Variants in SPPL2A observed in about 807,000 individuals in gnomAD.
The protein encoded by SPPL2A is signal peptide peptidase-like 2A.
In SPPL2A, 51 loss-of-function variants were observed where a neutral mutation model predicts 63.8. That is an observed-to-expected ratio of 0.80 (90% confidence interval 0.64 to 1.01). The LOEUF (loss-of-function observed/expected upper bound fraction) is 1.01. Among genes scored for constraint, SPPL2A ranks in the 50% least tolerant of loss-of-function variants. SPPL2A has a pLI of 0.00. For missense variants in SPPL2A, 553 were observed against 622.7 expected (o/e 0.89, Z 1.19); for synonymous variants, 188 against 205.8 (o/e 0.91, Z 0.74).
At chr15:50,722,992 G>T (rs182458492) in intron 12 of SPPL2A, among the ~76,000 whole-genome samples, 1 of 152,206 alleles carries the variant, frequency 6.6e-6, no homozygotes, top group Admixed American at 6.5e-5. Flanking sequence ...ATTAGAAAAT[G>T]GGCAAAGGAT....
At chr15:50,712,679 C>CCCCCCTTTTTT (rs35199045) in intron 14 of SPPL2A, among the ~76,000 whole-genome samples, 1 of 102,938 alleles carries the variant, frequency 9.7e-6, no homozygotes. Context: ...CTCCCCCCCC[C>CCCCCCTTTTTT]TTTTTTTTTT....
At chr15:50,752,484 G>A (rs183505733) in intron 1 of SPPL2A, among the ~76,000 whole-genome samples, 15 of 152,194 alleles carry the variant, frequency 9.9e-5, no homozygotes, top group East Asian at 5.8e-4. Flanking sequence ...TCGGGAGGCC[G>A]AGGCGGGTAG....
intron 1 of SPPL2A, among the ~76,000 whole-genome samples, chr15:50,760,225 C>A (rs934784756): frequency 6.6e-6 from 1 of 151,836 alleles, no homozygotes; most frequent in Non-Finnish European, 1.5e-5. Context: ...TGTGTCCTCA[C>A]ATGGCAAAGA....
intron 12 of SPPL2A, among the ~76,000 whole-genome samples, chr15:50,723,379 C>T (rs1451232419): frequency 6.6e-6 from 1 of 152,102 alleles, no homozygotes; most frequent in African/African-American, 2.4e-5. Flanking sequence ...CAGCATTATT[C>T]GCAATAGCCA....
chr15:50,748,980 T>C (rs2062883067), intron 2 of SPPL2A, 110 bp from the exon 3 acceptor site: 3 of 591,158 alleles, frequency 5.1e-6, no homozygotes, highest in Middle Eastern at 4.8e-4. Context: ...ACAATATCTT[T>C]TGAATTAGAA....
At chr15:50,748,036 A>G in intron 4 of SPPL2A, 77 bp downstream of exon 4, 1 of 628,320 alleles carries the variant, frequency 1.6e-6, no homozygotes, top group Non-Finnish European at 2.5e-6. Context: ...TATAACACTC[A>G]AAATTAAACA....
chr15:50,748,571 T>C, intron 3 of SPPL2A, 117 bp downstream of exon 3: 1 of 675,966 alleles, frequency 1.5e-6, no homozygotes, highest in Non-Finnish European at 2.5e-6. Flanking sequence ...ACAAAGAATC[T>C]TGCCATCAGA....
chr15:50,757,328 C>A (rs1324202129), intron 1 of SPPL2A, among the ~76,000 whole-genome samples: 2 of 151,964 alleles, frequency 1.3e-5, no homozygotes, highest in Non-Finnish European at 2.9e-5. Flanking sequence ...GTGATCCGCC[C>A]GCCTCGGCCT....
At chr15:50,739,240 G>A (rs1458102486) in intron 6 of SPPL2A, among the ~76,000 whole-genome samples, 3 of 146,654 alleles carry the variant, frequency 2.0e-5, no homozygotes, top group Non-Finnish European at 4.5e-5. Context: ...GTGCAATGGC[G>A]CAATGTCGGC....
rs756496065 is a variant in SPPL2A, at chr15:50,726,337, A to G, written c.1130T>C (p.Phe377Ser). The G allele has an allele frequency of 6.2e-6, 10 of 1,613,968 alleles. No homozygotes were observed. Among genetic ancestry groups the G allele is most frequent in the Non-Finnish European group, 5.9e-6 (7 of 1,179,940 alleles). The change falls in exon 11 of 15, where the codon TTT becomes TCT. Residue 377 changes from phenylalanine (F) to serine (S), a missense_variant. Phe to Ser is a radical substitution (Grantham distance 155). Transcript: ENST00000261854. ...CATCCCTACCTTTTCATTATTTCCA[A>G]AAGGTCCAGCTGCGAGTTCAACCAT... is the stretch of plus-strand genomic sequence containing the variant. ...SIMVELAAGPFGNNEKLPVVI... is the reference protein window; with the variant it reads ...SIMVELAAGPSGNNEKLPVVI...
chr15:50,711,123 C>CA (rs918083011), intron 14 of SPPL2A, among the ~76,000 whole-genome samples: 7 of 150,486 alleles, frequency 4.7e-5, no homozygotes, highest in African/African-American at 1.7e-4. Flanking sequence ...AAGCATTCCA[C>CA]AAAAAATGTT....
At chr15:50,736,913 TG>T (rs66555012) in intron 6 of SPPL2A, among the ~76,000 whole-genome samples, 173 bp from the exon 7 acceptor site, 5 of 151,886 alleles carry the variant, frequency 3.3e-5, no homozygotes, top group Non-Finnish European at 7.4e-5. Flanking sequence ...TGAGGTTTTT[TG>T]TTTTTTTTTC....
At chr15:50,724,121 T>A (rs891721215) in intron 12 of SPPL2A, among the ~76,000 whole-genome samples, 12 of 152,200 alleles carry the variant, frequency 7.9e-5, no homozygotes, top group African/African-American at 2.7e-4. Context: ...TTATCAATTA[T>A]GTGAATCAAG....
intron 4 of SPPL2A, 164 bp downstream of exon 4, chr15:50,747,949 G>C (rs2062872322): frequency 2.2e-6 from 1 of 456,488 alleles, no homozygotes; most frequent in Admixed American, 4.2e-5. Flanking sequence ...GAGACACTTG[G>C]TGCCAAATGA....
Position 50,759,699 on chromosome 15 carries a change from C to T in SPPL2A, c.66+5769G>A, listed in dbSNP as rs975595020. On this transcript the variant is annotated intron_variant, in intron 1 of 14. Coordinates refer to ENST00000261854, the MANE Select transcript of SPPL2A (RefSeq NM_032802.4). ...CAGAGGTTGCAGTGAGCCGAGATTG[C>T]GCCACTGCACTCTAGCCTGGGCGAC... is the stretch of plus-strand genomic sequence containing the variant. Among the ~76,000 whole-genome samples the T allele has an allele frequency of 4.6e-5, 7 of 151,322 alleles. No individual in the cohort carries two copies. In the East Asian group the frequency reaches 9.7e-4, roughly 21 times the overall value.
At chr15:50,745,192 C>T (rs1356569211) in intron 5 of SPPL2A, among the ~76,000 whole-genome samples, 1 of 151,998 alleles carries the variant, frequency 6.6e-6, no homozygotes, top group Non-Finnish European at 1.5e-5. Flanking sequence ...GCTCTGTCAC[C>T]CAGCTTGGAG....
chr15:50,721,377 C>A (rs1032215803), intron 13 of SPPL2A, among the ~76,000 whole-genome samples: 2 of 151,962 alleles, frequency 1.3e-5, no homozygotes, highest in African/African-American at 4.8e-5. Flanking sequence ...TTTCTTTATA[C>A]TTTTTTTCTT....
rs1289155490 is a variant in SPPL2A, at chr15:50,704,457, A to G, written c.*3343T>C. ...TTTTGCTAAACTAAACTGAGACAAA[A>G]GTAATCTACATTACAATTTGAGATA... On this transcript the variant is annotated 3_prime_UTR_variant, in exon 15 of 15. Transcript: ENST00000261854. 1 of 152,110 alleles carries G rather than the reference A, an allele frequency of 6.6e-6. No homozygotes were observed. The highest frequency in any genetic ancestry group is 2.4e-5 in the African/African-American group (1 of 41,434). The allele number at this position is 152,110 out of a possible 1,614,324, so 9.4% of individuals were successfully genotyped here.
intron 2 of SPPL2A, 26 bp from the exon 3 acceptor site, chr15:50,748,896 C>T (rs1567164596): frequency 2.0e-6 from 3 of 1,493,268 alleles, no homozygotes; most frequent in Non-Finnish European, 2.7e-6. Flanking sequence ...GTCTTTTTAA[C>T]ATGTTAAAAA....
Sources: gnomAD v4.1 joint callset for allele counts (sites outside exome capture counted in the v4.1 genomes callset) on GRCh38, gnomAD v4.1.1 for gene constraint, MANE v1.5 for transcripts, NCBI Gene and HGNC (gene_info 2026-07-23, HGNC 2026-07-21) for gene names.